Variants in OSBPL6 observed in about 807,000 individuals in gnomAD.
OSBPL6 encodes oxysterol-binding protein-related protein 6.
OSBPL6 carries 49 observed loss-of-function variants against 125.8 expected under a neutral mutation model. The observed-to-expected ratio is 0.39, with a 90% CI of 0.31 to 0.49. OSBPL6 has a LOEUF of 0.49. Ranked by LOEUF, OSBPL6 falls within the 20% of genes least tolerant of loss-of-function variation. The pLI is 0.88. For synonymous variants in OSBPL6, 394 were observed against 391.8 expected (o/e 1.01, Z -0.07); for missense variants, 986 against 1,135.4 (o/e 0.87, Z 1.89).
At chr2:178,209,078 C>T (rs1213579135) in intron 1 of OSBPL6, among the ~76,000 whole-genome samples, 3 of 152,120 alleles carry the variant, frequency 2.0e-5, no homozygotes, top group Non-Finnish European at 4.4e-5. Flanking sequence ...AGTATTTTCT[C>T]TCTTTATGTT....
chr2:178,381,461 C>G (rs1694469691), intron 15 of OSBPL6, among the ~76,000 whole-genome samples: 1 of 152,206 alleles, frequency 6.6e-6, no homozygotes, highest in Admixed American at 6.5e-5. Context: ...TCAAGCGATT[C>G]TCCTGCCTCA....
At chr2:178,195,517 C>T (rs796777725) in intron 1 of OSBPL6, among the ~76,000 whole-genome samples, 13 of 152,362 alleles carry the variant, frequency 8.5e-5, no homozygotes, top group African/African-American at 3.1e-4. Flanking sequence ...TGCGTATAGA[C>T]ACATCTGCAA....
At chr2:178,370,641 A>C (rs1693298065) in intron 13 of OSBPL6, among the ~76,000 whole-genome samples, 1 of 152,162 alleles carries the variant, frequency 6.6e-6, no homozygotes, top group South Asian at 2.1e-4. Flanking sequence ...GAATGTTATC[A>C]CCTTTTTTCC....
intron 8 of OSBPL6, among the ~76,000 whole-genome samples, chr2:178,335,454 A>G (rs946896251): frequency 6.6e-6 from 1 of 152,170 alleles, no homozygotes; most frequent in African/African-American, 2.4e-5. Flanking sequence ...AGAGCTTTTT[A>G]TCACTTTGCC....
At chr2:178,304,817 T>C (rs1006908769) in intron 2 of OSBPL6, among the ~76,000 whole-genome samples, 2 of 152,210 alleles carry the variant, frequency 1.3e-5, no homozygotes, top group African/African-American at 4.8e-5. Flanking sequence ...ACTCTAGTCA[T>C]ATTGGCTACC....
At chr2:178,259,139 C>A (rs2091977101) in intron 1 of OSBPL6, among the ~76,000 whole-genome samples, 1 of 152,146 alleles carries the variant, frequency 6.6e-6, no homozygotes, top group South Asian at 2.1e-4. Flanking sequence ...AGTAGTTTGC[C>A]TGTAGCTAGC....
intron 2 of OSBPL6, among the ~76,000 whole-genome samples, chr2:178,300,899 G>A (rs911978441): frequency 1.2e-4 from 18 of 152,248 alleles, no homozygotes; most frequent in African/African-American, 3.8e-4. Context: ...AAAACCATAT[G>A]AAAGTCAGTA....
At chr2:178,279,021 T>G (rs1342803219) in intron 1 of OSBPL6, among the ~76,000 whole-genome samples, 5 of 152,182 alleles carry the variant, frequency 3.3e-5, no homozygotes, top group African/African-American at 1.2e-4. Flanking sequence ...TGTGAGAAAA[T>G]GATCAAAAGT....
rs576779355 is a variant in OSBPL6 at position 178,391,431 on chromosome 2, C to G, written c.2446+214C>G. Among the ~76,000 whole-genome samples the G allele has an allele frequency of 1.2e-3, 177 of 152,202 alleles. 5 individuals are homozygous for G. The South Asian group carries it at 0.022, about 19-fold the overall frequency. On this transcript the variant is annotated intron_variant, in intron 22 of 24. Coordinates refer to ENST00000190611, the MANE Select transcript of OSBPL6 (RefSeq NM_032523.4). ...GATATTTCATAATAAAGAATGTAGGCCAAATCTCTGACAGGCAGTCAGAGA... is the reference window on the plus strand; with the variant it reads ...GATATTTCATAATAAAGAATGTAGGGCAAATCTCTGACAGGCAGTCAGAGA...
intron 3 of OSBPL6, among the ~76,000 whole-genome samples, chr2:178,319,875 C>T (rs1688083782): frequency 6.6e-6 from 1 of 152,048 alleles, no homozygotes; most frequent in African/African-American, 2.4e-5. Flanking sequence ...TTTGGGTAAT[C>T]TGTGAATATA....
rs1372083749 is a variant in OSBPL6 at position 178,398,972 on chromosome 2, T to G, written c.*3413T>G. 1.3e-5 allele frequency: 2 copies of G among 151,984 alleles called. No homozygotes were observed. The highest frequency in any genetic ancestry group is 2.9e-5 in the Non-Finnish European group (2 of 68,014). 9.4% of individuals were successfully genotyped at this position (151,984 alleles called of 1,614,324 possible). A position where few individuals can be genotyped will look rare whatever the true frequency, so the allele number is the denominator to read the frequency against. On this transcript the variant is annotated 3_prime_UTR_variant, in exon 25 of 25. Transcript: ENST00000190611. The stretch of plus-strand genomic sequence containing the variant: ...GTGGATTTTAATTATCCATCTTGTC[T>G]AATCTTGTTCTCTGTCATCCTAGAT...
chr2:178,265,877 G>T (rs577981318), intron 1 of OSBPL6, among the ~76,000 whole-genome samples: 2 of 152,116 alleles, frequency 1.3e-5, no homozygotes, highest in East Asian at 3.9e-4. Flanking sequence ...TTGCAGACTA[G>T]TGGGTAAAAC....
chr2:178,347,827 C>T (rs185436138), intron 11 of OSBPL6, among the ~76,000 whole-genome samples: 11 of 152,144 alleles, frequency 7.2e-5, no homozygotes, highest in Admixed American at 3.3e-4. Flanking sequence ...AGGTAGGGTT[C>T]CTTTGATAAC....
chr2:178,326,282 CT>C (rs1688690976), intron 4 of OSBPL6, among the ~76,000 whole-genome samples: 1 of 152,072 alleles, frequency 6.6e-6, no homozygotes, highest in Admixed American at 6.6e-5. Context: ...GGAAATGTCT[CT>C]GTTTTTTCCA....
chr2:178,211,580 A>T (rs1243626325), intron 1 of OSBPL6, among the ~76,000 whole-genome samples: 1 of 152,080 alleles, frequency 6.6e-6, no homozygotes, highest in Non-Finnish European at 1.5e-5. Flanking sequence ...TGCCATTTTG[A>T]TAGGGATGCC....
chr2:178,341,998 A>G (rs946398964), intron 11 of OSBPL6, among the ~76,000 whole-genome samples: 2 of 152,150 alleles, frequency 1.3e-5, no homozygotes, highest in Non-Finnish European at 2.9e-5. Flanking sequence ...CATAGCATCT[A>G]ATTTTACTCT....
intron 1 of OSBPL6, among the ~76,000 whole-genome samples, chr2:178,208,706 C>T (rs530097534): frequency 2.6e-5 from 1 of 39,170 alleles, no homozygotes; most frequent in Non-Finnish European, 6.7e-5. Context: ...ATTTCCTTCC[C>T]CTCCCATCCT....
At chr2:178,274,573 G>T (rs1214820918) in intron 1 of OSBPL6, among the ~76,000 whole-genome samples, 3 of 152,120 alleles carry the variant, frequency 2.0e-5, no homozygotes, top group Non-Finnish European at 1.5e-5. Flanking sequence ...CTGAGCCAGG[G>T]TTTGAACCTA....
intron 9 of OSBPL6, among the ~76,000 whole-genome samples, chr2:178,336,810 C>G (rs1689730978): frequency 6.6e-6 from 1 of 152,194 alleles, no homozygotes; most frequent in Non-Finnish European, 1.5e-5. Context: ...TGCCCATGGT[C>G]CCAGAATCAC....
Sources: allele counts gnomAD v4.1 joint callset (sites outside exome capture counted in the v4.1 genomes callset), GRCh38; gene constraint gnomAD v4.1.1; transcripts MANE v1.5; gene names NCBI Gene and HGNC (gene_info 2026-07-23, HGNC 2026-07-21).